The following MAML3 variants were observed in gnomAD, a reference collection of about 807,000 sequenced individuals.
MAML3 encodes the protein mastermind like transcriptional coactivator 3, also known as mastermind-like protein 3.
In MAML3, 27 loss-of-function variants were observed where a neutral mutation model predicts 101.9. The observed-to-expected ratio is 0.27, with a 90% confidence interval of 0.20 to 0.37. The LOEUF is 0.37. MAML3 is among the 10% of genes least tolerant of loss of function. The pLI is 1.00. For missense variants in MAML3, 1,316 were observed against 1,444.9 expected, an observed-to-expected ratio of 0.91 and a Z score of 1.45; for synonymous variants, 501 against 555.9, an observed-to-expected ratio of 0.90 and a Z score of 1.39.
At chr4:139,864,973 T>C (rs1326708122) in intron 2 of MAML3, among the ~76,000 whole-genome samples, 1 of 148,530 alleles carries the variant, frequency 6.7e-6, no homozygotes, top group Non-Finnish European at 1.5e-5. Context: ...CTTTACTTGT[T>C]ATGTTCTTCC....
At chr4:139,784,915 T>TA (rs1232058874) in intron 2 of MAML3, among the ~76,000 whole-genome samples, 6 of 152,034 alleles carry the variant, frequency 3.9e-5, no homozygotes, top group African/African-American at 1.4e-4. Flanking sequence ...TGTGGAATGA[T>TA]AGACATTGGA....
At chr4:140,116,712 A>C in intron 1 of MAML3, among the ~76,000 whole-genome samples, 1 of 152,202 alleles carries the variant, frequency 6.6e-6, no homozygotes, top group Admixed American at 6.5e-5. Context: ...ATCATGCTTC[A>C]CTCAACTGAA....
At chr4:139,891,821 C>A (rs1304679707) in intron 1 of MAML3, among the ~76,000 whole-genome samples, 1 of 152,204 alleles carries the variant, frequency 6.6e-6, no homozygotes, top group East Asian at 1.9e-4. Flanking sequence ...CTTTCAGAAC[C>A]TTTTGATAGG....
chr4:140,080,442 T>C (rs537533442), intron 1 of MAML3, among the ~76,000 whole-genome samples: 1 of 152,344 alleles, frequency 6.6e-6, no homozygotes, highest in Admixed American at 6.5e-5. Flanking sequence ...TAAAAGTGCA[T>C]GGTGAGAGGC....
At chr4:139,944,188 T>C (rs1733661698) in intron 1 of MAML3, among the ~76,000 whole-genome samples, 1 of 152,066 alleles carries the variant, frequency 6.6e-6, no homozygotes. Flanking sequence ...ACATTTTTTT[T>C]TTTATTATAC....
chr4:139,787,581 C>T (rs1224946743), intron 2 of MAML3, among the ~76,000 whole-genome samples: 2 of 152,172 alleles, frequency 1.3e-5, no homozygotes, highest in African/African-American at 4.8e-5. Context: ...AAACTGGACA[C>T]AGAATAGCAC....
chr4:139,877,487 T>C (rs190714974), intron 2 of MAML3, among the ~76,000 whole-genome samples: 44 of 152,240 alleles, frequency 2.9e-4, no homozygotes, highest in African/African-American at 9.1e-4. Context: ...CTTCAAATAA[T>C]TGCTAAGATA....
At chr4:139,894,215 T>TGG (rs1732559639) in intron 1 of MAML3, among the ~76,000 whole-genome samples, 1 of 152,152 alleles carries the variant, frequency 6.6e-6, no homozygotes, top group East Asian at 1.9e-4. Flanking sequence ...TAGATGATTA[T>TGG]ATTTGAAAAG....
intron 2 of MAML3, among the ~76,000 whole-genome samples, chr4:139,887,406 G>A (rs555521823): frequency 6.6e-6 from 1 of 152,354 alleles, no homozygotes; most frequent in South Asian, 2.1e-4. Flanking sequence ...GACGAGAGAA[G>A]AGAGGAGGAG....
intron 1 of MAML3, among the ~76,000 whole-genome samples, chr4:139,952,758 C>G (rs1197525222): frequency 7.9e-5 from 12 of 152,182 alleles, no homozygotes; most frequent in Admixed American, 7.9e-4. Flanking sequence ...AGACTGTGGA[C>G]AGAAATGATG....
chr4:140,035,952 G>A (rs1014389388), intron 1 of MAML3, among the ~76,000 whole-genome samples: 1 of 152,194 alleles, frequency 6.6e-6, no homozygotes, highest in Non-Finnish European at 1.5e-5. Context: ...GGAGTTCAAA[G>A]AACAAAGAGC....
chr4:139,969,302 A>G (rs370905327), intron 1 of MAML3, among the ~76,000 whole-genome samples: 11 of 151,996 alleles, frequency 7.2e-5, no homozygotes, highest in East Asian at 5.8e-4. Flanking sequence ...ATAGAGAGGC[A>G]GGGCACGGGA....
chr4:139,856,738 T>A (rs1211671501), intron 2 of MAML3, among the ~76,000 whole-genome samples: 1 of 152,228 alleles, frequency 6.6e-6, no homozygotes, highest in Non-Finnish European at 1.5e-5. Flanking sequence ...TACAGGAGAA[T>A]TATGGTGTCC....
intron 2 of MAML3, among the ~76,000 whole-genome samples, chr4:139,874,400 T>A (rs966882090): frequency 1.7e-4 from 26 of 152,218 alleles, no homozygotes; most frequent in South Asian, 6.2e-4. Flanking sequence ...TGATTTTTTT[T>A]AAAAAAATCA....
intron 1 of MAML3, among the ~76,000 whole-genome samples, chr4:139,968,309 TA>T (rs60977680): frequency 0.062 from 6,556 of 106,210 alleles, 471 homozygotes; most frequent in African/African-American, 0.2. Flanking sequence ...GGCTCTGTCT[TA>T]AAAAAAAAAA....
At position 139,730,400 on chromosome 4, in the gene MAML3, C is replaced by G; in HGVS notation, c.2331+16G>C. ...TTGCTGAATGAATGAATGAATCACG[C>G]CAAGGGGCATGTTACCTGTTCCGCC... On this transcript the variant is annotated intron_variant, in intron 3 of 4. Coordinates refer to ENST00000509479, the MANE Select transcript of MAML3 (RefSeq NM_018717.5). The G allele has an allele frequency of 6.5e-7, 1 of 1,547,474 alleles. No homozygotes were observed. The highest frequency in any genetic ancestry group is 8.7e-7 in the Non-Finnish European group (1 of 1,146,074).
chr4:140,045,423 A>G (rs1017768394), intron 1 of MAML3, among the ~76,000 whole-genome samples: 6 of 150,478 alleles, frequency 4.0e-5, no homozygotes, highest in Admixed American at 3.3e-4. Flanking sequence ...AGAATCTGCT[A>G]TATATTGTGT....
chr4:139,857,257 C>T (rs774691803), intron 2 of MAML3, among the ~76,000 whole-genome samples: 96 of 152,192 alleles, frequency 6.3e-4, no homozygotes, highest in Middle Eastern at 3.4e-3. Flanking sequence ...TGCACCCAGC[C>T]AAGCGGAAGG....
chr4:139,783,720 T>C (rs1056266430), intron 2 of MAML3, among the ~76,000 whole-genome samples: 2 of 152,170 alleles, frequency 1.3e-5, no homozygotes, highest in Admixed American at 6.5e-5. Context: ...TGTCACAGAT[T>C]TGGGGGGTGC....
Sources: allele counts gnomAD v4.1 joint callset (sites outside exome capture counted in the v4.1 genomes callset), GRCh38; gene constraint gnomAD v4.1.1; transcripts MANE v1.5; gene names NCBI Gene and HGNC (gene_info 2026-07-23, HGNC 2026-07-21).